The following FMN1 variants were observed in gnomAD, a reference collection of about 807,000 sequenced individuals.
The protein encoded by FMN1 is formin 1.
Under a neutral mutation model 132.4 loss-of-function variants are expected in FMN1, and 110 were observed. That is an observed-to-expected ratio of 0.83 (90% CI 0.71 to 0.97). The LOEUF (loss-of-function observed/expected upper bound fraction) is 0.97, where lower values mean the gene tolerates loss of function less well. Among genes scored for constraint, FMN1 ranks in the 50% least tolerant of loss-of-function variants. The pLI, the probability that FMN1 is intolerant of heterozygous loss-of-function variation, is 0.00. For missense variants in FMN1, 1,792 were observed against 1,705.3 expected (o/e 1.05, Z -0.90); for synonymous variants, 722 against 651.7 (o/e 1.11, Z -1.64).
At chr15:32,831,552 G>A (rs1298743299) in intron 17 of FMN1, among the ~76,000 whole-genome samples, 3 of 152,142 alleles carry the variant, frequency 2.0e-5, no homozygotes, top group Non-Finnish European at 2.9e-5. Flanking sequence ...CTGCAGGGGA[G>A]GAAAGTGTGT....
intron 4 of FMN1, among the ~76,000 whole-genome samples, chr15:33,128,278 C>CAG (rs1963311639): frequency 6.6e-6 from 1 of 152,186 alleles, no homozygotes; most frequent in Admixed American, 6.5e-5. Flanking sequence ...AGAAGCGCAA[C>CAG]AGTTGGGAAT....
At chr15:33,072,796 A>G (rs111602894) in intron 5 of FMN1, among the ~76,000 whole-genome samples, 3,171 of 151,996 alleles carry the variant, frequency 0.021, 107 homozygotes, top group African/African-American at 0.074. Context: ...GGTGGTGGGC[A>G]CCTGTAATCC....
At chr15:32,849,121 C>T (rs1397615824) in intron 17 of FMN1, among the ~76,000 whole-genome samples, 2 of 149,618 alleles carry the variant, frequency 1.3e-5, no homozygotes, top group Non-Finnish European at 3.0e-5. Flanking sequence ...GTAGCTGGGA[C>T]TACAGGCGCT....
rs2032674261 is a variant in FMN1 at position 32,981,547 on chromosome 15, AT to A, written c.2224-12071del. Reference sequence around the variant, plus strand: ...AATAATAATAATAATAATAATAATTATTATTATTATTATTATTACATTCTGT... The same window carrying A: ...AATAATAATAATAATAATAATAATTATATTATTATTATTATTACATTCTGT... On this transcript the variant is annotated intron_variant, in intron 7 of 20. Coordinates refer to ENST00000616417, the MANE Select transcript of FMN1 (RefSeq NM_001277313.2). 2.1e-5 allele frequency among the ~76,000 whole-genome samples: 3 copies of A among 145,330 alleles called. No homozygotes were observed. In the South Asian group the frequency reaches 6.3e-4, roughly 31 times the overall value.
intron 4 of FMN1, among the ~76,000 whole-genome samples, chr15:33,097,516 G>C (rs374774758): frequency 9.2e-5 from 14 of 152,056 alleles, no homozygotes; most frequent in African/African-American, 3.4e-4. Flanking sequence ...AAGTGGACAA[G>C]GAAAAAATAT....
intron 19 of FMN1, among the ~76,000 whole-genome samples, chr15:32,786,681 AAT>A (rs1273245262): frequency 2.0e-5 from 3 of 152,204 alleles, no homozygotes; most frequent in African/African-American, 7.2e-5. Flanking sequence ...TGGCATTTTG[AAT>A]AGAGAAGATT....
At chr15:32,901,768 C>G (rs1286166379) in intron 13 of FMN1, 143 bp downstream of exon 13, 1 of 576,792 alleles carries the variant, frequency 1.7e-6, no homozygotes, top group African/African-American at 1.9e-5. Context: ...CACACACGGG[C>G]AAGATAATCA....
chr15:33,056,275 A>G (rs767782689), intron 6 of FMN1, among the ~76,000 whole-genome samples: 2 of 152,246 alleles, frequency 1.3e-5, no homozygotes, highest in Non-Finnish European at 2.9e-5. Context: ...TTTGCCATTA[A>G]AAGAAAAACC....
At chr15:33,159,661 T>G (rs1440194669) in intron 3 of FMN1, among the ~76,000 whole-genome samples, 1 of 152,230 alleles carries the variant, frequency 6.6e-6, no homozygotes, top group Non-Finnish European at 1.5e-5. Context: ...AGACCAGGCT[T>G]TGAAGTATCA....
intron 4 of FMN1, among the ~76,000 whole-genome samples, chr15:33,112,643 G>C (rs1285642127): frequency 6.6e-6 from 1 of 151,958 alleles, no homozygotes. Context: ...CTCATCAACT[G>C]ACTGGCCTAT....
chr15:32,849,317 T>C (rs1286621595), intron 17 of FMN1, among the ~76,000 whole-genome samples: 1 of 152,032 alleles, frequency 6.6e-6, no homozygotes, highest in Non-Finnish European at 1.5e-5. Context: ...TTATTTGTTC[T>C]CACTGTTAGG....
intron 4 of FMN1, among the ~76,000 whole-genome samples, chr15:33,092,948 G>C (rs2038954609): frequency 6.6e-6 from 1 of 152,160 alleles, no homozygotes; most frequent in Admixed American, 6.5e-5. Flanking sequence ...CAAGATTCAT[G>C]CACAAACTAC....
chr15:32,937,397 C>T (rs755648105), intron 9 of FMN1, among the ~76,000 whole-genome samples: 25 of 152,198 alleles, frequency 1.6e-4, no homozygotes, highest in Middle Eastern at 3.2e-3. Context: ...TTCCTATTAG[C>T]TTCAATACAA....
At chr15:33,024,667 A>C (rs2035583846) in intron 6 of FMN1, among the ~76,000 whole-genome samples, 1 of 152,222 alleles carries the variant, frequency 6.6e-6, no homozygotes, top group Non-Finnish European at 1.5e-5. Flanking sequence ...TTTTGACAAT[A>C]TCTACCAAAT....
intron 3 of FMN1, among the ~76,000 whole-genome samples, chr15:33,158,777 G>A (rs532488558): frequency 1.3e-5 from 2 of 152,314 alleles, no homozygotes; most frequent in African/African-American, 4.8e-5. Context: ...TAGACAAGTA[G>A]GGGGTAAGAC....
chr15:33,066,789 G>T (rs775638986), intron 5 of FMN1: 1 of 1,613,934 alleles, frequency 6.2e-7, no homozygotes, highest in Non-Finnish European at 8.5e-7. Flanking sequence ...TCTCTCCTGG[G>T]CGACTCAGGG....
intron 19 of FMN1, among the ~76,000 whole-genome samples, chr15:32,777,561 T>TAACACTTTATATATTACGTATAACATAC (rs2056473305): frequency 1.4e-5 from 2 of 147,560 alleles, no homozygotes; most frequent in Non-Finnish European, 3.0e-5. Flanking sequence ...GTATAACATA[T>TAACACTTTATATATTACGTATAACATAC]AACACTTTAT....
chr15:32,858,273 A>G (rs2059182567), intron 16 of FMN1, among the ~76,000 whole-genome samples: 1 of 152,254 alleles, frequency 6.6e-6, no homozygotes, highest in South Asian at 2.1e-4. Context: ...ATGTCAGTTC[A>G]GAAATAGAGA....
intron 5 of FMN1, among the ~76,000 whole-genome samples, chr15:33,072,443 G>C (rs1347943980): frequency 2.0e-5 from 3 of 152,008 alleles, no homozygotes; most frequent in African/African-American, 7.2e-5. Context: ...GAAATAGGTA[G>C]CATTTGACCT....
Sources: gnomAD v4.1 joint callset for allele counts (sites outside exome capture counted in the v4.1 genomes callset) on GRCh38, gnomAD v4.1.1 for gene constraint, MANE v1.5 for transcripts, NCBI Gene and HGNC (gene_info 2026-07-23, HGNC 2026-07-21) for gene names.